RIMS1: variants seen among roughly 807,000 people sequenced by gnomAD.
RIMS1 encodes regulating synaptic membrane exocytosis protein 1.
In RIMS1, 83 loss-of-function variants were observed where a neutral mutation model predicts 214.1. The observed-to-expected ratio is 0.39, with a 90% CI of 0.32 to 0.47. The LOEUF is 0.47. RIMS1 is among the 20% of genes least tolerant of loss of function. The pLI is 0.99. For missense variants in RIMS1, 2,050 were observed against 2,161.8 expected (o/e 0.95, Z 1.03); for synonymous variants, 793 against 786.8 (o/e 1.01, Z -0.13).
intron 22 of RIMS1, among the ~76,000 whole-genome samples, chr6:72,267,116 G>A (rs2080971420): frequency 6.6e-6 from 1 of 151,978 alleles, no homozygotes; most frequent in South Asian, 2.1e-4. Context: ...ATAGAAAAAA[G>A]TGAAATTTAA....
chr6:72,190,563 C>T, intron 6 of RIMS1, among the ~76,000 whole-genome samples: 1 of 151,776 alleles, frequency 6.6e-6, no homozygotes. Flanking sequence ...GCATATGGTG[C>T]AGAACCATCT....
At chr6:72,170,685 G>T (rs143616899) in intron 4 of RIMS1, among the ~76,000 whole-genome samples, 1 of 152,092 alleles carries the variant, frequency 6.6e-6, no homozygotes, top group East Asian at 1.9e-4. Flanking sequence ...CATAAACTCC[G>T]TGGGGAGAAT....
chr6:72,029,996 C>A (rs897262979), intron 2 of RIMS1, among the ~76,000 whole-genome samples: 1 of 152,062 alleles, frequency 6.6e-6, no homozygotes. Context: ...ACGATTTGGC[C>A]TCGAGAAGTC....
At chr6:72,229,652 A>G (rs1266133868) in intron 6 of RIMS1, among the ~76,000 whole-genome samples, 1 of 151,822 alleles carries the variant, frequency 6.6e-6, no homozygotes, top group Non-Finnish European at 1.5e-5. Flanking sequence ...CATTGCAGGC[A>G]TGGAAACATC....
At chr6:72,295,121 A>C (rs139804910) in intron 26 of RIMS1, among the ~76,000 whole-genome samples, 1 of 151,930 alleles carries the variant, frequency 6.6e-6, no homozygotes, top group East Asian at 1.9e-4. Flanking sequence ...ATGATTCACA[A>C]ACTAACAGTA....
chr6:71,958,659 T>C (rs1792017048), intron 1 of RIMS1, among the ~76,000 whole-genome samples: 1 of 152,054 alleles, frequency 6.6e-6, no homozygotes, highest in Non-Finnish European at 1.5e-5. Flanking sequence ...GAATTTTTGG[T>C]AGATACAGAT....
intron 1 of RIMS1, among the ~76,000 whole-genome samples, chr6:71,904,279 C>T (rs1043413332): frequency 2.6e-5 from 4 of 152,050 alleles, no homozygotes; most frequent in African/African-American, 4.8e-5. Context: ...TTGTGCAAGA[C>T]GCTTATTAGG....
In RIMS1 at chr6:72,163,178, G is replaced by A. The variant is rs1348083008; in HGVS notation, c.472-16397G>A. Among the ~76,000 whole-genome samples, 11 of 138,804 alleles carry A rather than the reference G, an allele frequency of 7.9e-5. 3 individuals carry two copies. The highest frequency in any genetic ancestry group is 2.0e-4 in the East Asian group (1 of 4,926). The allele number at this position is 138,804 out of a possible 152,430, so 91.1% of individuals were successfully genotyped here. On this transcript the variant is annotated intron_variant, in intron 4 of 33. Transcript: ENST00000521978. ...ACCCTTTCTTCCAGTTGATCGAATC[G>A]GCTACTGAGGCTTCTGCATTCATCA...
chr6:71,956,713 C>T (rs994193423), intron 1 of RIMS1, among the ~76,000 whole-genome samples: 1 of 152,030 alleles, frequency 6.6e-6, no homozygotes, highest in Admixed American at 6.6e-5. Context: ...CTTTTATGAC[C>T]GACTATGATA....
At chr6:72,379,731 TC>T (rs1191659580) in intron 29 of RIMS1, among the ~76,000 whole-genome samples, 2 of 152,246 alleles carry the variant, frequency 1.3e-5, no homozygotes, top group East Asian at 3.9e-4. Context: ...GTATTTTGAT[TC>T]CCCCATTTCA....
chr6:72,283,215 T>C (rs1166221887), intron 23 of RIMS1, among the ~76,000 whole-genome samples: 1 of 152,046 alleles, frequency 6.6e-6, no homozygotes, highest in Non-Finnish European at 1.5e-5. Context: ...TTGTAATAAG[T>C]GTGAGCTTCT....
At chr6:72,140,281 T>C (rs2041925858) in intron 4 of RIMS1, among the ~76,000 whole-genome samples, 1 of 152,166 alleles carries the variant, frequency 6.6e-6, no homozygotes, top group Admixed American at 6.5e-5. Flanking sequence ...AACACTATTA[T>C]TTTAGTTTCT....
chr6:71,898,337 T>C (rs1300696030), intron 1 of RIMS1, among the ~76,000 whole-genome samples: 1 of 152,164 alleles, frequency 6.6e-6, no homozygotes, highest in African/African-American at 2.4e-5. Flanking sequence ...TTATATTTTT[T>C]AATAAAAAAG....
intron 1 of RIMS1, among the ~76,000 whole-genome samples, chr6:71,946,979 G>C (rs1171378533): frequency 6.6e-6 from 1 of 151,926 alleles, no homozygotes; most frequent in East Asian, 1.9e-4. Flanking sequence ...ATGGACAAAA[G>C]ACCTAAACAA....
At chr6:72,183,266 A>G (rs948155528) in intron 6 of RIMS1, 117 bp downstream of exon 6, 4 of 944,830 alleles carry the variant, frequency 4.2e-6, no homozygotes, top group Admixed American at 5.2e-5. Context: ...GCTCACAGAT[A>G]AGATAGCGTT....
intron 29 of RIMS1, among the ~76,000 whole-genome samples, chr6:72,334,111 A>G (rs2096761745): frequency 6.6e-6 from 1 of 151,898 alleles, no homozygotes; most frequent in African/African-American, 2.4e-5. Flanking sequence ...AATGCAAAGA[A>G]GTATTAAACA....
At chr6:72,192,052 G>A (rs957570368) in intron 6 of RIMS1, among the ~76,000 whole-genome samples, 1 of 152,218 alleles carries the variant, frequency 6.6e-6, no homozygotes, top group Non-Finnish European at 1.5e-5. Context: ...GGGAGCCAAC[G>A]TGGGGGTTCT....
rs1186354578 is a variant in RIMS1, at chr6:72,401,645, A to G, written c.*931A>G. 2.6e-5 allele frequency: 4 copies of G among 152,610 alleles called. No homozygotes were observed. Among genetic ancestry groups the G allele is most frequent in the Admixed American group, 2.6e-4 (4 of 15,278 alleles). 9.5% of individuals were successfully genotyped at this position (152,610 alleles called of 1,614,324 possible). ...GTAATGCCTTTTTCTTCCTGATATT[A>G]AAAAAATGCTCATGTGTATAAACCA... On this transcript the variant is annotated 3_prime_UTR_variant, in exon 34 of 34. Coordinates refer to ENST00000521978, the MANE Select transcript of RIMS1 (RefSeq NM_014989.7).
At chr6:72,324,250 G>A (rs548090907) in intron 28 of RIMS1, among the ~76,000 whole-genome samples, 5 of 152,104 alleles carry the variant, frequency 3.3e-5, no homozygotes, top group Admixed American at 3.3e-4. Flanking sequence ...TAAAACATAT[G>A]TAGACGTGAA....
Sources: allele counts gnomAD v4.1 joint callset (sites outside exome capture counted in the v4.1 genomes callset), GRCh38; gene constraint gnomAD v4.1.1; transcripts MANE v1.5; gene names NCBI Gene and HGNC (gene_info 2026-07-23, HGNC 2026-07-21).